Variants in FAM120A observed in about 807,000 individuals in gnomAD.
The protein encoded by FAM120A is family with sequence similarity 120 member A, also known as constitutive coactivator of PPAR-gamma-like protein 1.
In FAM120A, 15 loss-of-function variants were observed where a neutral mutation model predicts 109.7. That is an observed-to-expected ratio of 0.14 (90% confidence interval 0.09 to 0.21). The LOEUF is 0.21. FAM120A is among the 10% of genes least tolerant of loss of function. The pLI, the probability that FAM120A is intolerant of heterozygous loss-of-function variation, is 1.00. For synonymous variants in FAM120A, 493 were observed against 572.8 expected (o/e 0.86, Z 1.99); for missense variants, 899 against 1,439.3 (o/e 0.62, Z 6.07).
At chr9:93,471,429 A>G (rs1858309864) in intron 2 of FAM120A, 42 bp downstream of exon 2, 2 of 1,608,178 alleles carry the variant, frequency 1.2e-6, no homozygotes, top group Admixed American at 1.7e-5. Flanking sequence ...GGGAGTGACC[A>G]TATGATAAGC....
At chr9:93,554,766 A>T (rs1385208586) in intron 12 of FAM120A, among the ~76,000 whole-genome samples, 4 of 152,214 alleles carry the variant, frequency 2.6e-5, no homozygotes, top group Non-Finnish European at 2.9e-5. Context: ...TTGGATAGCC[A>T]GGCAAACAAC....
In FAM120A at chr9:93,564,190, G is replaced by A. The variant is rs750027272; in HGVS notation, c.3046-39G>A. 7.0e-6 allele frequency: 11 copies of A among 1,577,504 alleles called. No individual in the cohort carries two copies. In the South Asian group the frequency reaches 1.2e-4, roughly 18 times the overall value. Reference sequence around the variant, plus strand: ...GGCATCCTCTCTCTTCTGTTTATCAGAAACCACCTTCTCATTTGTTGTCCT... The same window carrying A: ...GGCATCCTCTCTCTTCTGTTTATCAAAAACCACCTTCTCATTTGTTGTCCT... On this transcript the variant is annotated intron_variant, in intron 17 of 17. Coordinates refer to ENST00000277165, the MANE Select transcript of FAM120A (RefSeq NM_014612.5).
intron 15 of FAM120A, 120 bp from the exon 16 acceptor site, chr9:93,560,989 G>A: frequency 9.2e-7 from 1 of 1,088,240 alleles, no homozygotes; most frequent in Non-Finnish European, 1.3e-6. Context: ...CAAAACAGGA[G>A]AAAGTAGCTT....
At chr9:93,480,667 G>A (rs1179579742) in intron 3 of FAM120A, among the ~76,000 whole-genome samples, 1 of 152,000 alleles carries the variant, frequency 6.6e-6, no homozygotes, top group Non-Finnish European at 1.5e-5. Context: ...CATTCCAGGA[G>A]TGCATCTCAT....
chr9:93,552,175 G>A (rs1862124403), intron 12 of FAM120A, among the ~76,000 whole-genome samples: 1 of 152,124 alleles, frequency 6.6e-6, no homozygotes, highest in Non-Finnish European at 1.5e-5. Flanking sequence ...TGCCCACTAA[G>A]CCTTATTCAC....
At chr9:93,542,438 AAATC>A (rs1410098170) in intron 10 of FAM120A, among the ~76,000 whole-genome samples, 1 of 152,230 alleles carries the variant, frequency 6.6e-6, no homozygotes, top group Non-Finnish European at 1.5e-5. Context: ...ATTTATTGGG[AAATC>A]AATCAAGTGG....
Position 93,467,251 on chromosome 9 carries a change from C to G in FAM120A, c.475-3890C>G, listed in dbSNP as rs1365276373. On this transcript the variant is annotated intron_variant, in intron 1 of 17. Transcript: ENST00000277165. ...TCTTTGCCAGATCTGCTGTCACCCC[C>G]CCCCCCCTTTTCCCCCATTGAATAA... Among the ~76,000 whole-genome samples, 5 of 111,036 alleles carry G rather than the reference C, an allele frequency of 4.5e-5. 1 individual carries two copies. The highest frequency in any genetic ancestry group is 1.7e-4 in the Admixed American group (2 of 11,646). 72.8% of individuals were successfully genotyped at this position (111,036 alleles called of 152,430 possible).
At chr9:93,550,763 C>A in intron 12 of FAM120A, 72 bp downstream of exon 12, 1 of 1,077,552 alleles carries the variant, frequency 9.3e-7, no homozygotes, top group Non-Finnish European at 1.4e-6. Flanking sequence ...TGCTAACTTT[C>A]AACAGGCAGA....
chr9:93,460,789 A>G (rs1857762598), intron 1 of FAM120A, among the ~76,000 whole-genome samples: 1 of 152,248 alleles, frequency 6.6e-6, no homozygotes, highest in African/African-American at 2.4e-5. Flanking sequence ...AGGAAGTGTG[A>G]TGGCAGAAAG....
intron 10 of FAM120A, among the ~76,000 whole-genome samples, chr9:93,538,257 A>G (rs766933439): frequency 6.6e-5 from 10 of 152,194 alleles, no homozygotes; most frequent in Non-Finnish European, 1.5e-4. Context: ...GAAAATATCC[A>G]CAGCCTTTTA....
intron 1 of FAM120A, among the ~76,000 whole-genome samples, chr9:93,454,837 C>T (rs1857481450): frequency 1.3e-5 from 2 of 152,060 alleles, no homozygotes; most frequent in Non-Finnish European, 2.9e-5. Context: ...CGTTTAAAAC[C>T]ATGATATCAC....
chr9:93,531,880 A>G (rs971194988), intron 9 of FAM120A, among the ~76,000 whole-genome samples: 7 of 152,200 alleles, frequency 4.6e-5, no homozygotes, highest in African/African-American at 1.7e-4. Flanking sequence ...TGTTTCAAAG[A>G]CTTTGGAACA....
chr9:93,470,780 T>C (rs553100018), intron 1 of FAM120A, among the ~76,000 whole-genome samples: 1 of 152,348 alleles, frequency 6.6e-6, no homozygotes, highest in East Asian at 1.9e-4. Flanking sequence ...CTCACAGAAC[T>C]CTTTATTTTC....
intron 11 of FAM120A, among the ~76,000 whole-genome samples, chr9:93,545,779 CCTTTTT>C (rs1340913077): frequency 2.3e-5 from 2 of 87,022 alleles, no homozygotes; most frequent in Middle Eastern, 5.4e-3. Flanking sequence ...GGGAAAGACT[CCTTTTT>C]TTTTTTTTTT....
At chr9:93,463,778 GA>G (rs1857897085) in intron 1 of FAM120A, among the ~76,000 whole-genome samples, 2 of 152,170 alleles carry the variant, frequency 1.3e-5, no homozygotes, top group Non-Finnish European at 2.9e-5. Context: ...TTATTCTGAA[GA>G]AAAACCACAT....
intron 3 of FAM120A, among the ~76,000 whole-genome samples, chr9:93,477,637 A>G (rs954315859): frequency 6.6e-6 from 1 of 152,200 alleles, no homozygotes; most frequent in Non-Finnish European, 1.5e-5. Flanking sequence ...TCTGTTAAGC[A>G]TTATGCTTTT....
In FAM120A at chr9:93,566,111, A is replaced by C. The variant is rs1862622466; in HGVS notation, c.*1571A>C. The stretch of plus-strand genomic sequence containing the variant: ...TAAAAATCTTTATTCTTTTAGTATA[A>C]AGTATGGCGTGGCTTTTAAATTCAC... On this transcript the variant is annotated 3_prime_UTR_variant, in exon 18 of 18. Transcript: ENST00000277165. 2 of 152,790 alleles carry C rather than the reference A, an allele frequency of 1.3e-5. No individual in the cohort carries two copies. The highest frequency in any genetic ancestry group is 1.9e-4 in the East Asian group (1 of 5,188). 9.5% of individuals were successfully genotyped at this position (152,790 alleles called of 1,614,324 possible). A position where few individuals can be genotyped will look rare whatever the true frequency, so the allele number is the denominator to read the frequency against.
chr9:93,481,573 A>G (rs193046091), intron 3 of FAM120A, among the ~76,000 whole-genome samples: 15 of 152,176 alleles, frequency 9.9e-5, no homozygotes, highest in African/African-American at 3.4e-4. Flanking sequence ...TCAATTTCAT[A>G]TATTTTGAGT....
At chr9:93,482,366 A>C (rs1056407524) in intron 3 of FAM120A, among the ~76,000 whole-genome samples, 9 of 151,642 alleles carry the variant, frequency 5.9e-5, no homozygotes, top group Non-Finnish European at 1.2e-4. Context: ...AATTTTTTGT[A>C]TTTTAGTAGA....
Sources: allele counts gnomAD v4.1 joint callset (sites outside exome capture counted in the v4.1 genomes callset), GRCh38; gene constraint gnomAD v4.1.1; transcripts MANE v1.5; gene names NCBI Gene and HGNC (gene_info 2026-07-23, HGNC 2026-07-21).